DTL: variants seen among roughly 807,000 people sequenced by gnomAD.
The protein encoded by DTL is denticleless protein homolog.
Under a neutral mutation model 87.0 loss-of-function variants are expected in DTL, and 46 were observed. The ratio of observed to expected loss-of-function variants is 0.53; its 90% CI spans 0.42 to 0.68. DTL has a LOEUF of 0.68. Ranked by LOEUF, DTL falls within the 30% of genes least tolerant of loss-of-function variation. The pLI is 0.00. For missense variants in DTL, 737 were observed against 869.4 expected, an observed-to-expected ratio of 0.85 and a Z score of 1.91; for synonymous variants, 308 against 311.2, an observed-to-expected ratio of 0.99 and a Z score of 0.11.
At position 212,080,685 on chromosome 1, in the gene DTL, G is replaced by C. The variant is rs1397270365; in HGVS notation, c.1196G>C (p.Gly399Ala). 6.2e-7 allele frequency: 1 copy of C among 1,613,574 alleles called. No individual in the cohort carries two copies. The highest frequency in any genetic ancestry group is 1.3e-5 in the African/African-American group (1 of 74,890). The change falls in exon 13 of 15, where the codon GGA becomes GCA. Residue 399 changes from glycine to alanine, a missense_variant. Physicochemically the swap from Gly to Ala is moderately conservative, Grantham distance 60. Transcript: ENST00000366991. ...RLNRGLEEKPGGDKLSTVGWA... is the reference protein window; with the variant it reads ...RLNRGLEEKPAGDKLSTVGWA... The stretch of plus-strand genomic sequence containing the variant: ...AATAGAGGCTTAGAGGAGAAACCAG[G>C]AGGTGATAAACTTTCCACGGTGGGT...
rs572125154 is a variant in DTL at position 212,047,564 on chromosome 1, G to A, written c.460+147G>A. ...AGATTCTTTTTTTGGAGACAGTTTC[G>A]TTCTGTTGCCCAGGCTGGAGTGCAG... On this transcript the variant is annotated intron_variant, in intron 5 of 14. Coordinates refer to ENST00000366991, the MANE Select transcript of DTL (RefSeq NM_016448.4). 4.5e-5 allele frequency: 52 copies of A among 1,146,672 alleles called. No individual in the cohort carries two copies. In the East Asian group the frequency reaches 9.2e-4, roughly 20 times the overall value. 71.0% of individuals were successfully genotyped at this position (1,146,672 alleles called of 1,614,324 possible).
rs1654685402 is a variant in DTL at position 212,071,928 on chromosome 1, G to A, written c.923-173G>A. ...GATCTAATATAAAGCTTCCTTCTAG[G>A]GTTTTGTTTTTCTGCCAATGTCTAG... is the stretch of plus-strand genomic sequence containing the variant. On this transcript the variant is annotated intron_variant, in intron 10 of 14. Transcript: ENST00000366991. The A allele has an allele frequency of 7.8e-6, 4 of 511,678 alleles. No individual in the cohort carries two copies. In the East Asian group the frequency reaches 9.2e-5, roughly 12 times the overall value. 31.7% of individuals were successfully genotyped at this position (511,678 alleles called of 1,614,324 possible).
intron 13 of DTL, among the ~76,000 whole-genome samples, chr1:212,083,453 A>G (rs1168938777): frequency 6.6e-6 from 1 of 152,206 alleles, no homozygotes; most frequent in Non-Finnish European, 1.5e-5. Flanking sequence ...ATGTGGTACT[A>G]GCAGTGGATT....
intron 5 of DTL, among the ~76,000 whole-genome samples, chr1:212,051,303 TATC>T (rs1373108174): frequency 1.3e-5 from 2 of 152,248 alleles, no homozygotes; most frequent in South Asian, 2.1e-4. Flanking sequence ...TCTCCTCTGA[TATC>T]ATTTCCTTGA....
At chr1:212,052,000 T>G in intron 5 of DTL, 1 of 849,630 alleles carries the variant, frequency 1.2e-6, no homozygotes, top group Non-Finnish European at 2.0e-6. Flanking sequence ...CCCTTTGTGT[T>G]TGTCATTTTG....
intron 11 of DTL, among the ~76,000 whole-genome samples, chr1:212,075,540 G>T (rs1462363349): frequency 6.6e-6 from 1 of 151,962 alleles, no homozygotes; most frequent in Non-Finnish European, 1.5e-5. Flanking sequence ...TAAAAATGAA[G>T]GATTTAAAAG....
chr1:212,064,773 C>G, intron 6 of DTL, 144 bp from the exon 7 acceptor site: 1 of 649,316 alleles, frequency 1.5e-6, no homozygotes. Flanking sequence ...AGTCTCACCA[C>G]AGGAGATGTA....
At chr1:212,068,995 T>C (rs959381687) in intron 10 of DTL, among the ~76,000 whole-genome samples, 3 of 152,244 alleles carry the variant, frequency 2.0e-5, no homozygotes, top group Non-Finnish European at 4.4e-5. Context: ...TAATAAGCTG[T>C]GGAGTAGATA....
intron 5 of DTL, among the ~76,000 whole-genome samples, chr1:212,061,049 A>G (rs1396393045): frequency 6.6e-6 from 1 of 152,192 alleles, no homozygotes; most frequent in Non-Finnish European, 1.5e-5. Flanking sequence ...AAGACAAAAT[A>G]TTAAAAAGTA....
At chr1:212,069,147 C>T (rs1303088799) in intron 10 of DTL, among the ~76,000 whole-genome samples, 2 of 151,858 alleles carry the variant, frequency 1.3e-5, no homozygotes, top group Non-Finnish European at 2.9e-5. Flanking sequence ...TAGATGTTTT[C>T]CCCAGCCTCA....
At chr1:212,063,374 C>T (rs1174640037) in intron 6 of DTL, among the ~76,000 whole-genome samples, 1 of 151,560 alleles carries the variant, frequency 6.6e-6, no homozygotes, top group Non-Finnish European at 1.5e-5. Flanking sequence ...CTGCACTCCC[C>T]ACCCGCTGGG....
Position 212,035,833 on chromosome 1 carries a change from T to C in DTL, c.-58T>C. ...GAGAGGCGCAAGCTGCGATTTCTGC[T>C]GAACTTGGAGGCATTTCTACGACTT... On this transcript the variant is annotated 5_prime_UTR_variant, in exon 1 of 15. Coordinates refer to ENST00000366991, the MANE Select transcript of DTL (RefSeq NM_016448.4). 1 of 1,553,714 alleles carries C rather than the reference T, an allele frequency of 6.4e-7. No individual in the cohort carries two copies. The highest frequency in any genetic ancestry group is 8.9e-7 in the Non-Finnish European group (1 of 1,125,632).
chr1:212,052,317 T>C (rs947816120), intron 5 of DTL, among the ~76,000 whole-genome samples: 2 of 152,166 alleles, frequency 1.3e-5, no homozygotes, highest in Non-Finnish European at 2.9e-5. Context: ...TTTTACTGAA[T>C]AGGAATTTTT....
intron 13 of DTL, among the ~76,000 whole-genome samples, chr1:212,089,116 A>G (rs1445763735): frequency 6.6e-6 from 1 of 152,202 alleles, no homozygotes; most frequent in Non-Finnish European, 1.5e-5. Flanking sequence ...GCAAACTGTT[A>G]GTAGACTCTG....
intron 5 of DTL, among the ~76,000 whole-genome samples, chr1:212,057,781 TAC>T (rs1668224225): frequency 6.6e-6 from 1 of 152,232 alleles, no homozygotes; most frequent in East Asian, 1.9e-4. Flanking sequence ...ATTTGAAAAG[TAC>T]AGACTGGGCA....
chr1:212,076,085 GACC>G (rs1223461716), intron 11 of DTL, among the ~76,000 whole-genome samples: 2 of 152,204 alleles, frequency 1.3e-5, no homozygotes, highest in Non-Finnish European at 2.9e-5. Context: ...TGTGTGGATA[GACC>G]ACATTTTGTT....
At chr1:212,048,538 T>C (rs1254695049) in intron 5 of DTL, among the ~76,000 whole-genome samples, 1 of 152,218 alleles carries the variant, frequency 6.6e-6, no homozygotes, top group Non-Finnish European at 1.5e-5. Context: ...TTAAAATTGA[T>C]TTTCCTATGT....
chr1:212,079,636 A>T (rs1036637860), intron 12 of DTL, among the ~76,000 whole-genome samples: 7 of 152,204 alleles, frequency 4.6e-5, no homozygotes, highest in Admixed American at 3.9e-4. Context: ...TTATTTGAGT[A>T]CAAAGCTTTT....
intron 1 of DTL, among the ~76,000 whole-genome samples, chr1:212,042,403 T>C (rs769042366): frequency 1.3e-5 from 2 of 152,224 alleles, no homozygotes; most frequent in East Asian, 1.9e-4. Flanking sequence ...TTAAATGTTT[T>C]CTAGGGGTAG....
Sources: allele counts gnomAD v4.1 joint callset (sites outside exome capture counted in the v4.1 genomes callset), GRCh38; gene constraint gnomAD v4.1.1; transcripts MANE v1.5; gene names NCBI Gene and HGNC (gene_info 2026-07-23, HGNC 2026-07-21).